TAFA1: variants seen among roughly 807,000 people sequenced by gnomAD.
TAFA1 encodes chemokine-like protein TAFA-1.
In TAFA1, 4 loss-of-function variants were observed where a neutral mutation model predicts 18.5. That is an observed-to-expected ratio of 0.22 (90% CI 0.11 to 0.49). The LOEUF is 0.49. TAFA1 is among the 20% of genes least tolerant of loss of function. The pLI is 0.98. For synonymous variants in TAFA1, 56 were observed against 55.2 expected (o/e 1.01, Z -0.06); for missense variants, 147 against 169.0 (o/e 0.87, Z 0.72).
chr3:68,291,182 C>T (rs963954522), intron 2 of TAFA1, among the ~76,000 whole-genome samples: 2 of 152,048 alleles, frequency 1.3e-5, no homozygotes, highest in African/African-American at 4.8e-5. Context: ...GGTGTTGAAT[C>T]GAAATAACTT....
intron 2 of TAFA1, among the ~76,000 whole-genome samples, chr3:68,184,941 AATC>A (rs982513386): frequency 1.3e-5 from 2 of 152,152 alleles, no homozygotes; most frequent in Admixed American, 1.3e-4. Context: ...TCACTTGAAC[AATC>A]ACTGGTATAC....
intron 3 of TAFA1, among the ~76,000 whole-genome samples, chr3:68,470,757 A>G (rs765679585): frequency 6.6e-6 from 1 of 152,240 alleles, no homozygotes; most frequent in Non-Finnish European, 1.5e-5. Flanking sequence ...GAAACAGAGC[A>G]TAAAAGTTCG....
At chr3:68,476,644 A>G (rs1281703808) in intron 3 of TAFA1, among the ~76,000 whole-genome samples, 1 of 152,184 alleles carries the variant, frequency 6.6e-6, no homozygotes, top group African/African-American at 2.4e-5. Context: ...AATTGTGGCT[A>G]AAAGATATGC....
At chr3:68,225,888 A>G (rs958557942) in intron 2 of TAFA1, among the ~76,000 whole-genome samples, 2 of 151,182 alleles carry the variant, frequency 1.3e-5, no homozygotes, top group Non-Finnish European at 2.9e-5. Context: ...GTAAGCATAA[A>G]AAAAAAAAAA....
chr3:68,364,553 A>G (rs1031820804), intron 2 of TAFA1, among the ~76,000 whole-genome samples: 3 of 152,248 alleles, frequency 2.0e-5, no homozygotes, highest in Non-Finnish European at 4.4e-5. Flanking sequence ...GAACATTTCT[A>G]GAGGAACGTA....
In TAFA1 at chr3:68,430,650, T is replaced by C. The variant is rs1281778585; in HGVS notation, c.259+13230T>C. Among the ~76,000 whole-genome samples, 6 of 151,936 alleles carry C rather than the reference T, an allele frequency of 3.9e-5. No individual in the cohort carries two copies. In the East Asian group the frequency reaches 1.2e-3, roughly 29 times the overall value. On this transcript the variant is annotated intron_variant, in intron 3 of 4. Transcript: ENST00000478136. ...ACAACAGATTTCAAAACCTCTATAC[T>C]AACACTTCAGACAATGCCAAAGCAA...
At chr3:68,107,909 T>G (rs918209579) in intron 2 of TAFA1, among the ~76,000 whole-genome samples, 1 of 152,136 alleles carries the variant, frequency 6.6e-6, no homozygotes, top group African/African-American at 2.4e-5. Flanking sequence ...GGTTCTGCCC[T>G]AGTCATTAGG....
intron 3 of TAFA1, among the ~76,000 whole-genome samples, chr3:68,449,198 G>A (rs1364022514): frequency 6.6e-6 from 1 of 152,208 alleles, no homozygotes; most frequent in Non-Finnish European, 1.5e-5. Flanking sequence ...GGTGTACCAA[G>A]CCTTGAGGGT....
At chr3:68,480,981 C>A (rs1180210495) in intron 3 of TAFA1, among the ~76,000 whole-genome samples, 1 of 151,996 alleles carries the variant, frequency 6.6e-6, no homozygotes, top group Non-Finnish European at 1.5e-5. Context: ...TCTTCCCTGC[C>A]GTCATGTAAG....
intron 2 of TAFA1, among the ~76,000 whole-genome samples, chr3:68,077,877 T>A (rs1386121126): frequency 6.6e-6 from 1 of 152,058 alleles, no homozygotes; most frequent in African/African-American, 2.4e-5. Context: ...GGGGATGGCA[T>A]TGAATCTGTA....
chr3:68,458,742 A>T (rs979787772), intron 3 of TAFA1, among the ~76,000 whole-genome samples: 1 of 152,112 alleles, frequency 6.6e-6, no homozygotes, highest in Admixed American at 6.5e-5. Flanking sequence ...CTGGGGAAAC[A>T]ATCTTTCATG....
intron 2 of TAFA1, among the ~76,000 whole-genome samples, chr3:68,274,561 T>C (rs1471091729): frequency 2.6e-5 from 4 of 152,216 alleles, no homozygotes; most frequent in Non-Finnish European, 5.9e-5. Context: ...CTGCTTTGGC[T>C]ACTCTTCAGA....
chr3:68,080,984 C>A (rs969126918), intron 2 of TAFA1, among the ~76,000 whole-genome samples: 6 of 152,088 alleles, frequency 3.9e-5, no homozygotes, highest in African/African-American at 1.4e-4. Context: ...TCACATAGTC[C>A]CATATTTCTT....
At chr3:68,237,021 A>T (rs2066935136) in intron 2 of TAFA1, among the ~76,000 whole-genome samples, 1 of 152,234 alleles carries the variant, frequency 6.6e-6, no homozygotes, top group Non-Finnish European at 1.5e-5. Context: ...ATATCTCAAC[A>T]TATGTAATGT....
chr3:68,538,678 A>G (rs1228780841), intron 3 of TAFA1, 78 bp from the exon 4 acceptor site: 2 of 1,478,908 alleles, frequency 1.4e-6, no homozygotes, highest in East Asian at 2.3e-5. Context: ...GAACGTGAAA[A>G]TCTGCAGAGG....
intron 2 of TAFA1, among the ~76,000 whole-genome samples, chr3:68,293,005 T>C (rs1481524346): frequency 6.6e-6 from 1 of 151,756 alleles, no homozygotes; most frequent in African/African-American, 2.4e-5. Context: ...TATTCAATCC[T>C]GTACCTTTTT....
At chr3:68,137,894 C>T (rs2106895530) in intron 2 of TAFA1, among the ~76,000 whole-genome samples, 1 of 152,172 alleles carries the variant, frequency 6.6e-6, no homozygotes, top group East Asian at 1.9e-4. Context: ...TGCCTTGCTA[C>T]TCCACAGTTA....
intron 3 of TAFA1, among the ~76,000 whole-genome samples, chr3:68,468,427 A>G (rs1487350986): frequency 6.6e-6 from 1 of 152,212 alleles, no homozygotes; most frequent in Non-Finnish European, 1.5e-5. Context: ...AAAAGATGTC[A>G]TTGAAGTTCT....
chr3:68,109,239 G>T (rs2065237836), intron 2 of TAFA1, among the ~76,000 whole-genome samples: 1 of 152,106 alleles, frequency 6.6e-6, no homozygotes, highest in Non-Finnish European at 1.5e-5. Flanking sequence ...TGGAGATTTG[G>T]AGTGAAGGAT....
Sources: gnomAD v4.1 joint callset for allele counts (sites outside exome capture counted in the v4.1 genomes callset) on GRCh38, gnomAD v4.1.1 for gene constraint, MANE v1.5 for transcripts, NCBI Gene and HGNC (gene_info 2026-07-23, HGNC 2026-07-21) for gene names.